RUFY4: variants seen among roughly 807,000 people sequenced by gnomAD.
RUFY4 encodes RUN and FYVE domain-containing protein 4.
RUFY4 carries 73 observed loss-of-function variants against 69.0 expected under a neutral mutation model. The observed-to-expected ratio is 1.06, with a 90% CI of 0.88 to 1.29. RUFY4 has a LOEUF of 1.29. Ranked by LOEUF, RUFY4 falls within the 50% of genes most tolerant of loss-of-function variation. The pLI is 0.00. For synonymous variants in RUFY4, 287 were observed against 271.8 expected, an observed-to-expected ratio of 1.06 and a Z score of -0.55; for missense variants, 770 against 705.6, an observed-to-expected ratio of 1.09 and a Z score of -1.03.
intron 8 of RUFY4, among the ~76,000 whole-genome samples, chr2:218,080,172 C>T (rs554521657): frequency 6.6e-6 from 1 of 152,284 alleles, no homozygotes; most frequent in African/African-American, 2.4e-5. Context: ...GAGCCAGGGG[C>T]CTCAAAGGCA....
At position 218,070,879 on chromosome 2, in the gene RUFY4, T is replaced by C. The variant is rs1445387625; in HGVS notation, c.153+20T>C. The stretch of plus-strand genomic sequence containing the variant: ...CTGCAGGTGGGACCTTCTCCTCCCC[T>C]TCCCCATCCCTCTCCCCAGACCCAG... On this transcript the variant is annotated intron_variant, in intron 2 of 10. Coordinates refer to ENST00000344321, the Ensembl canonical transcript of RUFY4. 3.3e-6 allele frequency: 5 copies of C among 1,513,586 alleles called. No individual in the cohort carries two copies. The Admixed American group carries it at 8.0e-5, about 24-fold the overall frequency. 93.8% of individuals were successfully genotyped at this position (1,513,586 alleles called of 1,614,324 possible).
intron 9 of RUFY4, among the ~76,000 whole-genome samples, chr2:218,084,917 G>A (rs183319390): frequency 6.9e-4 from 105 of 152,084 alleles, no homozygotes; most frequent in Middle Eastern, 3.4e-3. Flanking sequence ...GCGTGTTAGC[G>A]GGCACCTGTA....
chr2:218,072,467 G>A, exon 3 of RUFY4: 1 of 1,537,314 alleles, frequency 6.5e-7, no homozygotes, highest in Middle Eastern at 1.7e-4. Context: ...GGGAAACATG[G>A]AGCCAATCCA....
intron 2 of RUFY4, among the ~76,000 whole-genome samples, chr2:218,051,340 T>C (rs1472936233): frequency 6.6e-6 from 1 of 152,090 alleles, no homozygotes; most frequent in African/African-American, 2.4e-5. Context: ...ATAAAACATA[T>C]ATTCAGGGGA....
chr2:218,066,135 G>A (rs186710934), upstream of RUFY4, among the ~76,000 whole-genome samples: 112 of 149,862 alleles, frequency 7.5e-4, no homozygotes, highest in South Asian at 1.3e-3. Context: ...CTGAGATGAT[G>A]ATGATGATGA....
chr2:218,054,578 G>A (rs1287944605), intron 2 of RUFY4, among the ~76,000 whole-genome samples: 1 of 148,290 alleles, frequency 6.7e-6, no homozygotes, highest in African/African-American at 2.5e-5. Flanking sequence ...AAAAAGATCA[G>A]TGGACTAAAT....
chr2:218,060,098 G>T, intron 3 of RUFY4: 1 of 359,926 alleles, frequency 2.8e-6, no homozygotes. Flanking sequence ...ATGAGCTCAA[G>T]GGCAGGAGGG....
chr2:218,057,360 A>G (rs934168270), intron 2 of RUFY4, among the ~76,000 whole-genome samples: 13 of 152,212 alleles, frequency 8.5e-5, no homozygotes, highest in Non-Finnish European at 1.8e-4. Flanking sequence ...CTTCCTAGAC[A>G]TTTATCTGAA....
In RUFY4 at chr2:218,036,636, C is replaced by T. The variant is rs140154450; in HGVS notation, c.-1158+1242C>T. Reference sequence around the variant, plus strand: ...TCCCTCAAGTTACCCACAGAAGCTACTGGCTGTGAAATCCTAATTACAGCA... The same window carrying T: ...TCCCTCAAGTTACCCACAGAAGCTATTGGCTGTGAAATCCTAATTACAGCA... On this transcript the variant is annotated intron_variant and NMD_transcript_variant, in intron 2 of 13. Transcript: ENST00000457754. Among the ~76,000 whole-genome samples, 12 of 152,326 alleles carry T rather than the reference C, an allele frequency of 7.9e-5. No individual in the cohort carries two copies. The East Asian group carries it at 1.9e-3, about 24-fold the overall frequency.
chr2:218,082,865 C>G (rs995407312), intron 8 of RUFY4, among the ~76,000 whole-genome samples: 3 of 26,912 alleles, frequency 1.1e-4, no homozygotes, highest in Non-Finnish European at 2.3e-4. Flanking sequence ...ATGCATGTAG[C>G]ATTGTAAGTG....
intron 3 of RUFY4, chr2:218,061,077 CA>C: frequency 3.3e-6 from 2 of 604,474 alleles, no homozygotes; most frequent in East Asian, 3.7e-5. Context: ...CAGATTGTGC[CA>C]AAAATCCAGC....
chr2:218,045,129 G>A (rs1394559538), intron 2 of RUFY4, among the ~76,000 whole-genome samples: 2 of 152,066 alleles, frequency 1.3e-5, no homozygotes, highest in African/African-American at 4.8e-5. Context: ...CTTTTTAATA[G>A]TAGCCATTCT....
chr2:218,087,657 C>G (rs1689926042), intron 9 of RUFY4, among the ~76,000 whole-genome samples: 1 of 152,104 alleles, frequency 6.6e-6, no homozygotes, highest in South Asian at 2.1e-4. Context: ...GCTGAAACCC[C>G]ATCTCTACTA....
At chr2:218,073,685 G>A (rs981315662) in intron 5 of RUFY4, 131 bp from the exon 8 acceptor site, 5 of 978,940 alleles carry the variant, frequency 5.1e-6, no homozygotes, top group Non-Finnish European at 7.7e-6. Context: ...GGATGCATGA[G>A]GGTGGGTGGG....
chr2:218,049,309 T>G (rs1231630387), intron 2 of RUFY4, among the ~76,000 whole-genome samples: 3 of 152,206 alleles, frequency 2.0e-5, no homozygotes, highest in Non-Finnish European at 4.4e-5. Context: ...TGTTTTTGCC[T>G]GGGAAAGTCT....
chr2:218,078,290 A>T (rs1349196379), intron 8 of RUFY4, among the ~76,000 whole-genome samples: 2 of 152,090 alleles, frequency 1.3e-5, no homozygotes, highest in Admixed American at 1.3e-4. Flanking sequence ...GCCAGGGAAG[A>T]CCTCCCTGTA....
At chr2:218,090,292 T>C (rs1690002688) in exon 11 of RUFY4, 1 of 347,326 alleles carries the variant, frequency 2.9e-6, no homozygotes, top group South Asian at 2.2e-5. Context: ...CAGGGCTTCT[T>C]CTCTAATGTT....
intron 2 of RUFY4, among the ~76,000 whole-genome samples, chr2:218,054,089 G>C (rs1689006383): frequency 6.6e-6 from 1 of 152,188 alleles, no homozygotes; most frequent in Admixed American, 6.5e-5. Context: ...AATGCTGTTT[G>C]CAATACAAAT....
rs779046069 is a variant in RUFY4 at position 218,073,870 on chromosome 2, A to C, written c.585A>C (p.Lys195Asn). 5 of 1,613,946 alleles carry C rather than the reference A, an allele frequency of 3.1e-6. No homozygotes were observed. The highest frequency in any genetic ancestry group is 1.6e-4 in the Middle Eastern group (1 of 6,062). ...AGGGAAGGAGACCCAGAAAAAACAA[A>C]GATGCCCCAAAGAAGGTGCCTCTGC... Residue 195 changes from lysine (K) to asparagine (N), a missense_variant, in exon 6 of 11, where the codon AAA becomes AAC. Physicochemically the swap from Lys to Asn is moderately conservative, Grantham distance 94. Coordinates refer to ENST00000344321, the Ensembl canonical transcript of RUFY4.
Sources: gnomAD v4.1 joint callset for allele counts (sites outside exome capture counted in the v4.1 genomes callset) on GRCh38, gnomAD v4.1.1 for gene constraint, MANE v1.5 for transcripts, NCBI Gene and HGNC (gene_info 2026-07-23, HGNC 2026-07-21) for gene names.